ARB2A: variants seen among roughly 807,000 people sequenced by gnomAD.
The protein encoded by ARB2A is cotranscriptional regulator ARB2A.
the ARB2A span, among the ~76,000 whole-genome samples, chr5:94,076,884 T>C: frequency 6.6e-6 from 1 of 152,332 alleles, no homozygotes; most frequent in South Asian, 2.1e-4. Flanking sequence ...GAACAATACA[T>C]ATAATTATGT....
the ARB2A span, among the ~76,000 whole-genome samples, chr5:93,651,606 T>G: frequency 1.3e-5 from 2 of 152,188 alleles, no homozygotes; most frequent in Admixed American, 1.3e-4. Flanking sequence ...GATAAAACTC[T>G]AATCTACAAG....
the ARB2A span, among the ~76,000 whole-genome samples, chr5:93,949,608 G>A: frequency 1.1e-4 from 16 of 151,782 alleles, no homozygotes; most frequent in Middle Eastern, 6.8e-3. Flanking sequence ...CAAGGTAAAC[G>A]GGGTGTCCAT....
At chr5:93,761,776 C>G in the ARB2A span, among the ~76,000 whole-genome samples, 1 of 152,208 alleles carries the variant, frequency 6.6e-6, no homozygotes, top group African/African-American at 2.4e-5. Flanking sequence ...GGTCCCTGAG[C>G]CCCGAGTAGC....
the ARB2A span, among the ~76,000 whole-genome samples, chr5:93,666,016 G>C: frequency 1.3e-5 from 2 of 152,188 alleles, no homozygotes; most frequent in African/African-American, 2.4e-5. Flanking sequence ...TCAGCAAAGG[G>C]AAGCTGTTCT....
At chr5:93,711,038 A>C in the ARB2A span, among the ~76,000 whole-genome samples, 19 of 152,196 alleles carry the variant, frequency 1.2e-4, no homozygotes, top group Non-Finnish European at 1.9e-4. Context: ...GTAGCACTTA[A>C]GAAACCTTCA....
chr5:93,732,950 T>A, the ARB2A span, among the ~76,000 whole-genome samples: 1 of 152,044 alleles, frequency 6.6e-6, no homozygotes, highest in African/African-American at 2.4e-5. Flanking sequence ...ATGTAATATA[T>A]CTTCTAAAAA....
the ARB2A span, chr5:93,910,740 G>GA: frequency 6.6e-6 from 1 of 151,212 alleles, no homozygotes; most frequent in Non-Finnish European, 1.5e-5. Context: ...CATATACAAA[G>GA]AATGAGACCT....
chr5:93,854,880 A>G, the ARB2A span, among the ~76,000 whole-genome samples: 2 of 152,128 alleles, frequency 1.3e-5, no homozygotes, highest in Non-Finnish European at 1.5e-5. Context: ...ACTTCCAACT[A>G]TGTGGTCAAT....
chr5:94,095,686 C>T, the ARB2A span, among the ~76,000 whole-genome samples: 146 of 152,050 alleles, frequency 9.6e-4, no homozygotes, highest in African/African-American at 3.4e-3. Context: ...ACAACACTCC[C>T]ATAGTATCCT....
the ARB2A span, chr5:93,911,022 A>C: frequency 6.6e-6 from 1 of 151,558 alleles, no homozygotes; most frequent in Non-Finnish European, 1.5e-5. Context: ...AGCGTTCTCT[A>C]GCTTAACATT....
chr5:94,055,365 C>A, the ARB2A span, among the ~76,000 whole-genome samples: 2 of 152,094 alleles, frequency 1.3e-5, no homozygotes, highest in African/African-American at 4.8e-5. Context: ...AGAAATATAA[C>A]AAATCTTTCT....
chr5:93,910,824 TA>T, the ARB2A span: 1 of 151,492 alleles, frequency 6.6e-6, no homozygotes, highest in African/African-American at 2.4e-5. Context: ...AGAAGACATT[TA>T]TATTGCAATT....
At chr5:94,054,010 C>G in the ARB2A span, among the ~76,000 whole-genome samples, 2 of 152,208 alleles carry the variant, frequency 1.3e-5, no homozygotes, top group Non-Finnish European at 2.9e-5. Context: ...CTCAAGTGAT[C>G]TGCCCACCTC....
At chr5:93,759,848 G>A in the ARB2A span, among the ~76,000 whole-genome samples, 1 of 152,146 alleles carries the variant, frequency 6.6e-6, no homozygotes, top group Non-Finnish European at 1.5e-5. Flanking sequence ...AGACAAGGAT[G>A]TCCACTCTCA....
At chr5:93,974,586 T>C in the ARB2A span, among the ~76,000 whole-genome samples, 1 of 152,112 alleles carries the variant, frequency 6.6e-6, no homozygotes, top group African/African-American at 2.4e-5. Context: ...AATTTGACAC[T>C]TAATTAATTG....
At chr5:93,702,714 C>T in the ARB2A span, among the ~76,000 whole-genome samples, 2 of 152,102 alleles carry the variant, frequency 1.3e-5, no homozygotes, top group Admixed American at 1.3e-4. Flanking sequence ...TCCAGTGTTG[C>T]TATGAAGTCT....
At chr5:93,740,364 G>A in the ARB2A span, 23 of 546,134 alleles carry the variant, frequency 4.2e-5, no homozygotes, top group East Asian at 6.4e-4. Flanking sequence ...GAAAAACAAA[G>A]GGAAAACACA....
chr5:93,781,305 G>C, the ARB2A span, among the ~76,000 whole-genome samples: 3 of 152,108 alleles, frequency 2.0e-5, no homozygotes, highest in African/African-American at 7.2e-5. Context: ...TAAGATAATG[G>C]CCTCCAGTTC....
chr5:93,929,007 CT>C, the ARB2A span, among the ~76,000 whole-genome samples: 9 of 151,474 alleles, frequency 5.9e-5, no homozygotes, highest in Non-Finnish European at 1.2e-4. Context: ...AAAAAAAGTA[CT>C]TTTTTTGATA....
Sources: allele counts gnomAD v4.1 joint callset (sites outside exome capture counted in the v4.1 genomes callset), GRCh38; gene constraint gnomAD v4.1.1; transcripts MANE v1.5; gene names NCBI Gene and HGNC (gene_info 2026-07-23, HGNC 2026-07-21).